NRG1: variants seen among roughly 807,000 people sequenced by gnomAD.
NRG1 encodes the protein pro-neuregulin-1, membrane-bound isoform.
A neutral mutation model predicts 63.8 loss-of-function variants in NRG1; 18 were observed. The ratio of observed to expected loss-of-function variants is 0.28; its 90% CI spans 0.19 to 0.42. NRG1 has a LOEUF of 0.42. Among genes scored for constraint, NRG1 ranks in the 10% least tolerant of loss-of-function variants. The pLI is 1.00. For synonymous variants in NRG1, 302 were observed against 301.3 expected, an observed-to-expected ratio of 1.00 and a Z score of -0.02; for missense variants, 762 against 814.7, an observed-to-expected ratio of 0.94 and a Z score of 0.79.
intron 1 of NRG1, among the ~76,000 whole-genome samples, chr8:31,939,868 G>T (rs551085932): frequency 4.0e-5 from 6 of 151,892 alleles, no homozygotes; most frequent in Non-Finnish European, 7.4e-5. Context: ...GGAAAATACC[G>T]CAATTCTAAA....
intron 1 of NRG1, among the ~76,000 whole-genome samples, chr8:31,831,088 G>A (rs1433029251): frequency 6.6e-6 from 1 of 151,756 alleles, no homozygotes; most frequent in African/African-American, 2.4e-5. Flanking sequence ...AGAGTTTGCT[G>A]CTGCTCCTCC....
chr8:31,828,844 G>T (rs1824833723), intron 1 of NRG1, among the ~76,000 whole-genome samples: 1 of 152,172 alleles, frequency 6.6e-6, no homozygotes, highest in Non-Finnish European at 1.5e-5. Flanking sequence ...TCTTGCAGAT[G>T]AATTCTAATA....
chr8:32,080,877 T>C (rs976995727), intron 1 of NRG1, among the ~76,000 whole-genome samples: 1 of 151,838 alleles, frequency 6.6e-6, no homozygotes, highest in African/African-American at 2.4e-5. Flanking sequence ...GACTGGCAAA[T>C]CTAAAATCTT....
chr8:32,093,048 G>T (rs748537653), intron 1 of NRG1, among the ~76,000 whole-genome samples: 1 of 152,208 alleles, frequency 6.6e-6, no homozygotes, highest in African/African-American at 2.4e-5. Context: ...CTTTAAGGAT[G>T]TGGGGAAAAG....
At chr8:32,415,498 A>AT (rs765428760) in intron 1 of NRG1, among the ~76,000 whole-genome samples, 337 of 149,960 alleles carry the variant, frequency 2.2e-3, no homozygotes, top group Non-Finnish European at 4.1e-3. Flanking sequence ...TTCTTCAGTG[A>AT]TTTTTTTTCC....
At chr8:32,282,591 A>C (rs1853002063) in intron 1 of NRG1, among the ~76,000 whole-genome samples, 1 of 152,054 alleles carries the variant, frequency 6.6e-6, no homozygotes, top group South Asian at 2.1e-4. Context: ...CGCTGTTCTC[A>C]TCAGCCTCAC....
At chr8:32,356,474 A>ACCCCCCCCCCCCCCCCCCCCGGCC (rs11426642) in intron 1 of NRG1, among the ~76,000 whole-genome samples, 5 of 69,326 alleles carry the variant, frequency 7.2e-5, no homozygotes, top group Admixed American at 1.5e-4. Flanking sequence ...CCTTGTTGGG[A>ACCCCCCCCCCCCCCCCCCCCGGCC]CCCCCCCCCC....
chr8:32,207,428 GT>G (rs1323571076), intron 1 of NRG1, among the ~76,000 whole-genome samples: 1 of 151,942 alleles, frequency 6.6e-6, no homozygotes, highest in African/African-American at 2.4e-5. Flanking sequence ...TATATCTTTT[GT>G]TTTTTCTTCT....
chr8:32,042,386 G>A (rs549277412), intron 1 of NRG1, among the ~76,000 whole-genome samples: 1 of 152,034 alleles, frequency 6.6e-6, no homozygotes, highest in Non-Finnish European at 1.5e-5. Flanking sequence ...TGAGGATGTC[G>A]AGGCTGCAGT....
intron 1 of NRG1, among the ~76,000 whole-genome samples, chr8:32,028,151 A>G (rs1035732557): frequency 6.6e-6 from 1 of 152,162 alleles, no homozygotes; most frequent in Non-Finnish European, 1.5e-5. Flanking sequence ...TTTTCACCCA[A>G]ATCTTTAAGA....
chr8:32,252,751 TGG>T (rs1348682615), intron 1 of NRG1, among the ~76,000 whole-genome samples: 1 of 152,212 alleles, frequency 6.6e-6, no homozygotes, highest in African/African-American at 2.4e-5. Flanking sequence ...AGTAGCTTGA[TGG>T]GGATAGCATT....
chr8:32,151,143 G>T (rs1387244906), intron 1 of NRG1, among the ~76,000 whole-genome samples: 1 of 152,112 alleles, frequency 6.6e-6, no homozygotes, highest in Non-Finnish European at 1.5e-5. Context: ...AGCAGGAGGG[G>T]CACCGGATTC....
At chr8:31,815,902 G>A (rs1457397399) in intron 1 of NRG1, among the ~76,000 whole-genome samples, 1 of 151,842 alleles carries the variant, frequency 6.6e-6, no homozygotes, top group Non-Finnish European at 1.5e-5. Flanking sequence ...TATTTCTATA[G>A]TTGTTATTGA....
chr8:31,800,217 C>A (rs187829698), intron 1 of NRG1, among the ~76,000 whole-genome samples: 11 of 152,104 alleles, frequency 7.2e-5, no homozygotes, highest in Non-Finnish European at 1.6e-4. Context: ...AGTCTCTATA[C>A]CCTTTATTTT....
intron 1 of NRG1, among the ~76,000 whole-genome samples, chr8:32,429,002 C>T (rs1817787229): frequency 1.3e-5 from 2 of 152,112 alleles, no homozygotes; most frequent in African/African-American, 4.8e-5. Context: ...TTGTTCATTC[C>T]ACTCCATGTG....
chr8:32,414,348 T>A (rs1815555722), intron 1 of NRG1, among the ~76,000 whole-genome samples: 1 of 152,210 alleles, frequency 6.6e-6, no homozygotes, highest in African/African-American at 2.4e-5. Flanking sequence ...CAATTCAAAC[T>A]AGGAATGAGA....
chr8:31,721,806 G>C (rs1199772914), intron 1 of NRG1, among the ~76,000 whole-genome samples: 1 of 152,030 alleles, frequency 6.6e-6, no homozygotes, highest in African/African-American at 2.4e-5. Context: ...CATCTCCTCA[G>C]TTGTCCAGGT....
intron 1 of NRG1, among the ~76,000 whole-genome samples, chr8:32,210,111 C>T (rs1454234089): frequency 1.3e-5 from 2 of 152,052 alleles, no homozygotes; most frequent in Admixed American, 6.6e-5. Context: ...ATTGATGAAG[C>T]CAGAATGTGT....
chr8:32,141,197 C>G (rs555762110), intron 1 of NRG1, among the ~76,000 whole-genome samples: 1 of 152,096 alleles, frequency 6.6e-6, no homozygotes, highest in South Asian at 2.1e-4. Context: ...GATTTGAGGT[C>G]AGTGGGCTGT....
Sources: gnomAD v4.1 joint callset for allele counts (sites outside exome capture counted in the v4.1 genomes callset) on GRCh38, gnomAD v4.1.1 for gene constraint, MANE v1.5 for transcripts, NCBI Gene and HGNC (gene_info 2026-07-23, HGNC 2026-07-21) for gene names.